OPCML: variants seen among roughly 807,000 people sequenced by gnomAD.
OPCML encodes opioid-binding protein/cell adhesion molecule.
Under a neutral mutation model 37.8 loss-of-function variants are expected in OPCML, and 13 were observed. The observed-to-expected ratio is 0.34, with a 90% CI of 0.22 to 0.55. OPCML has a LOEUF of 0.55. OPCML is among the 20% of genes least tolerant of loss of function. The probability of loss-of-function intolerance (pLI) is 0.91; values close to 1 mark genes in which losing one functional copy is unlikely to be tolerated. For missense variants in OPCML, 341 were observed against 435.6 expected, an observed-to-expected ratio of 0.78 and a Z score of 1.93; for synonymous variants, 176 against 168.8, an observed-to-expected ratio of 1.04 and a Z score of -0.33.
intron 1 of OPCML, among the ~76,000 whole-genome samples, chr11:132,977,692 A>T (rs928200635): frequency 1.3e-5 from 2 of 152,184 alleles, no homozygotes; most frequent in Non-Finnish European, 2.9e-5. Flanking sequence ...TATAGAGTGC[A>T]TATAGGAGTC....
rs997254912 is a variant in OPCML, at chr11:132,631,605, G to T, written c.379+25482C>A. ...CTCCCGAGTAGCTGGGACTACAGGC[G>T]CCCGCCACCACGCCCGGCTAATTTT... On this transcript the variant is annotated intron_variant, in intron 3 of 7. Transcript: ENST00000524381. Among the ~76,000 whole-genome samples, 614 of 149,694 alleles carry T rather than the reference G, an allele frequency of 4.1e-3. 7 individuals are homozygous for T. Among genetic ancestry groups the T allele is most frequent in the African/African-American group, 0.015 (596 of 40,878 alleles).
At chr11:133,070,558 A>G (rs1349971318) in intron 1 of OPCML, among the ~76,000 whole-genome samples, 1 of 152,214 alleles carries the variant, frequency 6.6e-6, no homozygotes, top group Non-Finnish European at 1.5e-5. Flanking sequence ...CTCACTCCCT[A>G]CTTTCAGAGC....
intron 2 of OPCML, among the ~76,000 whole-genome samples, chr11:132,679,778 C>A (rs565068408): frequency 6.6e-6 from 1 of 152,046 alleles, no homozygotes; most frequent in African/African-American, 2.4e-5. Context: ...AAAACTGTTA[C>A]AAAAAGGGAG....
At chr11:133,531,342 G>C (rs60365595) in intron 1 of OPCML, among the ~76,000 whole-genome samples, 9,245 of 152,182 alleles carry the variant, frequency 0.061, 774 homozygotes, top group African/African-American at 0.18. Flanking sequence ...CTGCAGATTT[G>C]TTTTCCCCAA....
intron 1 of OPCML, among the ~76,000 whole-genome samples, chr11:133,411,484 A>G (rs1945650896): frequency 6.6e-6 from 1 of 152,098 alleles, no homozygotes. Context: ...CTTGGGAAGA[A>G]ATGCAGTCCC....
intron 2 of OPCML, among the ~76,000 whole-genome samples, chr11:132,694,916 C>G (rs921355902): frequency 6.6e-6 from 1 of 151,792 alleles, no homozygotes; most frequent in Non-Finnish European, 1.5e-5. Flanking sequence ...CTATAGACTA[C>G]GTATGATAGA....
At chr11:133,058,770 G>A (rs2136983126) in intron 1 of OPCML, among the ~76,000 whole-genome samples, 1 of 152,300 alleles carries the variant, frequency 6.6e-6, no homozygotes, top group South Asian at 2.1e-4. Flanking sequence ...AACATCAACT[G>A]CTGAGAGTCT....
intron 2 of OPCML, among the ~76,000 whole-genome samples, chr11:132,876,128 C>A (rs1943000639): frequency 6.6e-6 from 1 of 152,176 alleles, no homozygotes; most frequent in African/African-American, 2.4e-5. Context: ...CTGTCCCAGT[C>A]CAAACTAACT....
intron 1 of OPCML, among the ~76,000 whole-genome samples, chr11:133,323,802 G>A (rs1316421895): frequency 2.0e-5 from 3 of 152,192 alleles, no homozygotes; most frequent in Non-Finnish European, 4.4e-5. Context: ...TGGTAAGGTG[G>A]GGCATGCTCC....
Position 133,205,418 on chromosome 11 carries a change from T to C in OPCML, c.62-262408A>G, listed in dbSNP as rs1273023804. Among the ~76,000 whole-genome samples the C allele has an allele frequency of 6.6e-6, 1 of 152,148 alleles. No individual in the cohort carries two copies. The highest frequency in any genetic ancestry group is 1.9e-4 in the East Asian group (1 of 5,168). ...CCCTGAGTTCTGTGATCCACTCTAG[T>C]AAATGAATTAAACCTGAAGAGGTGG... is the stretch of plus-strand genomic sequence containing the variant. On this transcript the variant is annotated intron_variant, in intron 1 of 7. Transcript: ENST00000524381. This position sits in a 1 kb window ranked among gnomAD's most constrained non-coding sequence, Gnocchi z 4.8.
In OPCML at chr11:132,903,053, A is replaced by G. The variant is rs561235408; in HGVS notation, c.146+39873T>C. Among the ~76,000 whole-genome samples the G allele has an allele frequency of 1.6e-4, 24 of 152,166 alleles. No individual in the cohort carries two copies. The South Asian group carries it at 5.0e-3, about 32-fold the overall frequency. On this transcript the variant is annotated intron_variant, in intron 2 of 7. Coordinates refer to ENST00000524381, the MANE Select transcript of OPCML (RefSeq NM_001012393.5). ...CCCTGAAAACCATTTCCTACCCCTC[A>G]TACTTGTCTACATCCCCCATTTACC...
chr11:133,526,529 G>C (rs1246393788), intron 1 of OPCML, among the ~76,000 whole-genome samples: 2 of 152,176 alleles, frequency 1.3e-5, no homozygotes, highest in African/African-American at 2.4e-5. Flanking sequence ...GCAGTAGCAA[G>C]CACATTCATC....
chr11:132,968,581 G>A (rs954345991), intron 1 of OPCML, among the ~76,000 whole-genome samples: 1 of 152,144 alleles, frequency 6.6e-6, no homozygotes, highest in Non-Finnish European at 1.5e-5. Flanking sequence ...CTATTCATGA[G>A]AGCAGAGCCA....
At chr11:133,124,853 A>G (rs966781468) in intron 1 of OPCML, among the ~76,000 whole-genome samples, 52 of 152,132 alleles carry the variant, frequency 3.4e-4, no homozygotes, top group African/African-American at 1.3e-3. Context: ...TAATCTTTCC[A>G]TTCAATTTCT....
chr11:132,650,385 A>G (rs1941368696), intron 3 of OPCML, among the ~76,000 whole-genome samples: 1 of 152,200 alleles, frequency 6.6e-6, no homozygotes, highest in African/African-American at 2.4e-5. Context: ...GATGAATTAC[A>G]CTGACAAGTT....
chr11:132,530,871 G>A (rs2096323251), intron 3 of OPCML, among the ~76,000 whole-genome samples: 1 of 152,076 alleles, frequency 6.6e-6, no homozygotes, highest in African/African-American at 2.4e-5. Context: ...TTCCTTGACT[G>A]TCTTTTCTTG....
chr11:133,306,317 C>G (rs1157789842), intron 1 of OPCML, among the ~76,000 whole-genome samples: 1 of 152,126 alleles, frequency 6.6e-6, no homozygotes, highest in South Asian at 2.1e-4. Context: ...AATTCAGAAG[C>G]TTCATGGATT....
At chr11:133,422,985 A>C (rs916086608) in intron 1 of OPCML, 1 of 985,280 alleles carries the variant, frequency 1.0e-6, no homozygotes, top group Non-Finnish European at 1.2e-6. Flanking sequence ...CAGTGTGTAC[A>C]AAGTGCCTTA....
intron 1 of OPCML, among the ~76,000 whole-genome samples, chr11:133,446,208 C>A (rs1479030937): frequency 6.6e-6 from 1 of 152,154 alleles, no homozygotes; most frequent in Non-Finnish European, 1.5e-5. Flanking sequence ...GAACAGAACT[C>A]CCAATCTCCC....
Sources: allele counts gnomAD v4.1 joint callset (sites outside exome capture counted in the v4.1 genomes callset), GRCh38; gene constraint gnomAD v4.1.1; non-coding constraint Gnocchi (gnomAD v3.1); transcripts MANE v1.5; gene names NCBI Gene and HGNC (gene_info 2026-07-23, HGNC 2026-07-21).